XKR6: variants seen among roughly 807,000 people sequenced by gnomAD.
XKR6 encodes XK related 6.
In XKR6, 22 loss-of-function variants were observed where a neutral mutation model predicts 56.7. The observed-to-expected ratio is 0.39, with a 90% confidence interval of 0.28 to 0.55. The LOEUF is 0.55. XKR6 is among the 20% of genes least tolerant of loss of function. The probability of loss-of-function intolerance (pLI) is 0.66; values close to 1 mark genes in which losing one functional copy is unlikely to be tolerated. For synonymous variants in XKR6, 524 were observed against 387.8 expected, an observed-to-expected ratio of 1.35 and a Z score of -4.13; for missense variants, 852 against 889.0, an observed-to-expected ratio of 0.96 and a Z score of 0.53.
intron 1 of XKR6, among the ~76,000 whole-genome samples, chr8:11,156,738 A>G (rs540027629): frequency 1.3e-5 from 2 of 152,294 alleles, no homozygotes; most frequent in East Asian, 3.9e-4. Flanking sequence ...GGGGAAAGAC[A>G]AAATCTTGCT....
chr8:11,090,180 G>A (rs1021512417), intron 1 of XKR6, among the ~76,000 whole-genome samples: 3 of 152,166 alleles, frequency 2.0e-5, no homozygotes, highest in African/African-American at 7.2e-5. Flanking sequence ...AAAGTCCTGG[G>A]CTCAAGCGAT....
At chr8:11,003,915 G>C (rs1317314249) in intron 1 of XKR6, among the ~76,000 whole-genome samples, 3 of 152,314 alleles carry the variant, frequency 2.0e-5, no homozygotes, top group South Asian at 2.1e-4. Flanking sequence ...AAGTTCTCCT[G>C]GTGGGAAGAG....
chr8:11,062,987 G>A (rs1000109673), intron 1 of XKR6: 1 of 371,120 alleles, frequency 2.7e-6, no homozygotes, highest in East Asian at 7.4e-5. Context: ...GGAGGATGGA[G>A]GAGCCTGGGT....
chr8:11,186,628 C>T (rs576105326), intron 1 of XKR6, among the ~76,000 whole-genome samples: 3 of 152,304 alleles, frequency 2.0e-5, no homozygotes, highest in Middle Eastern at 6.8e-3. Flanking sequence ...GATCTTCCCA[C>T]CTTGGCCTTG....
intron 1 of XKR6, among the ~76,000 whole-genome samples, chr8:11,081,037 C>T (rs1303492433): frequency 6.6e-6 from 1 of 152,190 alleles, no homozygotes; most frequent in East Asian, 1.9e-4. Flanking sequence ...ACCTCCACTG[C>T]ATAACTTTCA....
intron 2 of XKR6, among the ~76,000 whole-genome samples, chr8:10,911,829 G>A (rs921310869): frequency 1.3e-5 from 2 of 150,642 alleles, no homozygotes; most frequent in Admixed American, 1.3e-4. Context: ...GTGAGTATGT[G>A]TATATATAGA....
At chr8:11,199,121 G>A (rs1427962199) in intron 1 of XKR6, among the ~76,000 whole-genome samples, 1 of 152,090 alleles carries the variant, frequency 6.6e-6, no homozygotes, top group East Asian at 1.9e-4. Context: ...CTTATCAGCA[G>A]GAAACAAATT....
At chr8:11,090,299 G>T (rs1798023938) in intron 1 of XKR6, among the ~76,000 whole-genome samples, 1 of 152,084 alleles carries the variant, frequency 6.6e-6, no homozygotes, top group Non-Finnish European at 1.5e-5. Context: ...TGTTGTCCAG[G>T]CTGGTCTCAG....
chr8:11,128,935 T>C (rs1563158320), intron 1 of XKR6: 2 of 456,766 alleles, frequency 4.4e-6, no homozygotes, highest in Non-Finnish European at 8.8e-6. Context: ...CTGGCTTCTT[T>C]AATAAAGCAG....
At chr8:11,148,754 G>T (rs753304784) in intron 1 of XKR6, among the ~76,000 whole-genome samples, 2 of 152,092 alleles carry the variant, frequency 1.3e-5, no homozygotes, top group African/African-American at 4.8e-5. Flanking sequence ...ATTTGTAATA[G>T]CCCTAAACTG....
chr8:10,996,741 G>A (rs1196531810), intron 1 of XKR6, among the ~76,000 whole-genome samples: 2 of 152,178 alleles, frequency 1.3e-5, no homozygotes, highest in African/African-American at 4.8e-5. Flanking sequence ...GGCTCGGCAT[G>A]GTGGTTCATG....
At chr8:11,117,612 G>A (rs73545496) in intron 1 of XKR6, among the ~76,000 whole-genome samples, 5,720 of 152,128 alleles carry the variant, frequency 0.038, 225 homozygotes, top group African/African-American at 0.096. Context: ...CCATAAAAAT[G>A]TTCAAAGAAA....
chr8:11,028,222 CT>C (rs1798914890), intron 1 of XKR6, among the ~76,000 whole-genome samples: 2 of 152,176 alleles, frequency 1.3e-5, no homozygotes, highest in South Asian at 4.2e-4. Flanking sequence ...ACCAAGTAGC[CT>C]TTTCAGGGTG....
chr8:11,122,475 C>T (rs557485757), intron 1 of XKR6, among the ~76,000 whole-genome samples: 1 of 152,252 alleles, frequency 6.6e-6, no homozygotes, highest in Admixed American at 6.5e-5. Flanking sequence ...GGCCCCTCCA[C>T]CTGCCCAAAA....
chr8:10,930,193 C>T (rs903871736), intron 1 of XKR6, among the ~76,000 whole-genome samples: 1 of 152,188 alleles, frequency 6.6e-6, no homozygotes, highest in Non-Finnish European at 1.5e-5. Context: ...GCTAAACATT[C>T]ACCTATCTGG....
chr8:11,018,348 C>G (rs1449243249), intron 1 of XKR6, among the ~76,000 whole-genome samples: 2 of 152,208 alleles, frequency 1.3e-5, no homozygotes, highest in Non-Finnish European at 2.9e-5. Flanking sequence ...GTGCACAGCT[C>G]CTCACCTGCA....
At chr8:11,137,858 G>C (rs960342969) in intron 1 of XKR6, 4 of 363,308 alleles carry the variant, frequency 1.1e-5, no homozygotes, top group South Asian at 8.4e-5. Context: ...GGAAATAATG[G>C]AAAAAGACTG....
At chr8:11,165,793 C>G (rs1008163006) in intron 1 of XKR6, among the ~76,000 whole-genome samples, 1 of 152,088 alleles carries the variant, frequency 6.6e-6, no homozygotes, top group African/African-American at 2.4e-5. Flanking sequence ...TTGAGATGAT[C>G]ATTTCTAGCT....
chr8:11,200,678 C>T lies in XKR6; in HGVS notation c.662G>A (p.Gly221Asp). The change falls in exon 1 of 3, where the codon GGC becomes GAC. Residue 221 changes from glycine to aspartate, a missense_variant. Gly to Asp is a moderately conservative substitution (Grantham distance 94, BLOSUM62 -1). Around this residue, in one of 4 missense-constraint regions of XKR6, gnomAD observed 417 missense variants for 355.2 expected, o/e 1.17. Transcript: ENST00000416569. The surrounding 1 kb of genome is among the most constrained non-coding windows in gnomAD (Gnocchi z 6.4). ...CCCCGGCGTGGGGGAGACCCTCACG[C>T]CTGGGCCACCGCGGGCCGCGCCGTG... ...YVHGAARGGP[G>D]VRVSPTPGAQ... 1.3e-6 allele frequency: 2 copies of T among 1,568,028 alleles called. No homozygotes were observed. The highest frequency in any genetic ancestry group is 8.6e-7 in the Non-Finnish European group (1 of 1,166,012).
Sources: allele counts gnomAD v4.1 joint callset (sites outside exome capture counted in the v4.1 genomes callset), GRCh38; gene constraint gnomAD v4.1.1; regional missense constraint gnomAD v4.1.1; non-coding constraint Gnocchi (gnomAD v3.1); transcripts MANE v1.5; gene names NCBI Gene and HGNC (gene_info 2026-07-23, HGNC 2026-07-21).